DNAH14: variants seen among roughly 807,000 people sequenced by gnomAD.
DNAH14 encodes dynein axonemal heavy chain 14.
DNAH14 carries 478 observed loss-of-function variants against 520.9 expected under a neutral mutation model. The ratio of observed to expected loss-of-function variants is 0.92; its 90% CI spans 0.85 to 0.99. The LOEUF (loss-of-function observed/expected upper bound fraction) is 0.99, where lower values mean the gene tolerates loss of function less well. Among genes scored for constraint, DNAH14 ranks in the 50% least tolerant of loss-of-function variants. The pLI is 0.00. For synonymous variants in DNAH14, 1,581 were observed against 1,757.2 expected (o/e 0.90, Z 2.51); for missense variants, 4,831 against 5,234.5 (o/e 0.92, Z 2.38).
chr1:225,144,622 A>G lies in DNAH14; in HGVS notation c.4734A>G (p.Leu1578=). 1 of 1,548,970 alleles carries G rather than the reference A, an allele frequency of 6.5e-7. No individual in the cohort carries two copies. Among genetic ancestry groups the G allele is most frequent in the Non-Finnish European group, 8.7e-7 (1 of 1,145,256 alleles). ...GAAAAACTGAGACTGTCAAAGATCT[A>G]GCAAAAGTAAGTGGTTTCTGTATCC... ...GTGKTETVKD[L]AKSLGKHCVV... Residue 1578 remains leucine (L), a synonymous_variant, in exon 29 of 86, where the codon CTA becomes CTG. Coordinates refer to ENST00000682510, the MANE Select transcript of DNAH14 (RefSeq NM_001367479.1).
intron 11 of DNAH14, among the ~76,000 whole-genome samples, chr1:225,033,622 T>C (rs2449307): frequency 0.8 from 121,026 of 151,992 alleles, 51,606 homozygotes; most frequent in Non-Finnish European, 0.96. Context: ...AAGAATGTCA[T>C]TGATAGTTTG....
intron 8 of DNAH14, among the ~76,000 whole-genome samples, chr1:224,981,113 TC>T (rs2062236997): frequency 6.6e-6 from 1 of 152,250 alleles, no homozygotes; most frequent in African/African-American, 2.4e-5. Flanking sequence ...TGTTAAACCA[TC>T]CCTGCATCCC....
At position 225,038,730 on chromosome 1, in the gene DNAH14, A is replaced by G; in HGVS notation, c.1395A>G (p.Thr465=). 2 of 1,534,900 alleles carry G rather than the reference A, an allele frequency of 1.3e-6. No individual in the cohort carries two copies. Among genetic ancestry groups the G allele is most frequent in the Non-Finnish European group, 1.8e-6 (2 of 1,142,024 alleles). Reference sequence around the variant, plus strand: ...ACAACTCTTTTCCTACTGGAAAGACAACAAATGATTGTGAAGAACTTGTTG... The same window carrying G: ...ACAACTCTTTTCCTACTGGAAAGACGACAAATGATTGTGAAGAACTTGTTG... ...FKDNSFPTGK[T]TNDCEELVDN... is the part of the protein sequence containing the mutation. Residue 465 remains threonine, a synonymous_variant, in exon 12 of 86, where the codon ACA becomes ACG. Transcript: ENST00000682510.
intron 27 of DNAH14, among the ~76,000 whole-genome samples, chr1:225,127,766 T>G (rs941321480): frequency 1.3e-5 from 2 of 152,118 alleles, no homozygotes; most frequent in Non-Finnish European, 2.9e-5. Context: ...GTTAGCTGGT[T>G]ATTTTGCTCA....
At chr1:224,938,753 A>G (rs1404463611) in intron 1 of DNAH14, among the ~76,000 whole-genome samples, 1 of 152,274 alleles carries the variant, frequency 6.6e-6, no homozygotes, top group African/African-American at 2.4e-5. Context: ...ATGTTATTGC[A>G]GCACTATTCA....
intron 27 of DNAH14, among the ~76,000 whole-genome samples, chr1:225,138,989 A>G (rs996295869): frequency 1.3e-5 from 2 of 152,212 alleles, no homozygotes; most frequent in Non-Finnish European, 2.9e-5. Flanking sequence ...TTTTTAAAGC[A>G]TACTTGACTT....
At chr1:225,301,105 T>G in intron 56 of DNAH14, 75 bp downstream of exon 56, 1 of 1,411,498 alleles carries the variant, frequency 7.1e-7, no homozygotes. Context: ...GTACATGATT[T>G]TCAAGTTGGA....
intron 10 of DNAH14, among the ~76,000 whole-genome samples, chr1:225,011,238 T>G (rs2064710787): frequency 6.6e-6 from 1 of 152,322 alleles, no homozygotes; most frequent in East Asian, 1.9e-4. Flanking sequence ...GGGCATTTAT[T>G]GCTATAAACT....
intron 17 of DNAH14, among the ~76,000 whole-genome samples, chr1:225,073,943 A>G (rs1450246474): frequency 6.7e-6 from 1 of 149,754 alleles, no homozygotes. Flanking sequence ...GGCCTCCCAA[A>G]GTACTGGGAT....
intron 27 of DNAH14, among the ~76,000 whole-genome samples, chr1:225,128,936 A>G (rs1435988266): frequency 1.3e-5 from 2 of 151,652 alleles, no homozygotes; most frequent in African/African-American, 2.4e-5. Flanking sequence ...TCAGCCCAAA[A>G]TCTCCTTAAG....
chr1:225,023,953 G>C, intron 11 of DNAH14, 88 bp downstream of exon 11: 1 of 1,437,976 alleles, frequency 7.0e-7, no homozygotes, highest in Non-Finnish European at 9.1e-7. Flanking sequence ...AATAATTTAA[G>C]CTAGAGTTTG....
chr1:225,318,441 A>G, intron 60 of DNAH14, 142 bp from the exon 61 acceptor site: 1 of 693,716 alleles, frequency 1.4e-6, no homozygotes, highest in Non-Finnish European at 2.3e-6. Context: ...GCATGTGTGC[A>G]CATATCTAAG....
intron 65 of DNAH14, among the ~76,000 whole-genome samples, chr1:225,332,876 T>G (rs2094831536): frequency 6.7e-6 from 1 of 150,008 alleles, no homozygotes; most frequent in South Asian, 2.1e-4. Context: ...GGCACATGCC[T>G]GTCATTGTAA....
chr1:225,090,846 C>T (rs1277253997), intron 21 of DNAH14, among the ~76,000 whole-genome samples: 1 of 152,096 alleles, frequency 6.6e-6, no homozygotes, highest in African/African-American at 2.4e-5. Context: ...ACCAAAAGCA[C>T]TATCCATAGA....
intron 75 of DNAH14, 84 bp downstream of exon 75, chr1:225,360,975 G>T (rs2095486135): frequency 1.6e-6 from 2 of 1,248,128 alleles, no homozygotes; most frequent in South Asian, 2.9e-5. Context: ...TGTATACTGT[G>T]TGTAAACAAT....
intron 41 of DNAH14, among the ~76,000 whole-genome samples, chr1:225,210,714 C>G (rs1002922920): frequency 2.6e-5 from 4 of 152,178 alleles, no homozygotes; most frequent in African/African-American, 9.7e-5. Context: ...TGGGATAAAC[C>G]TCCCAGCAGG....
intron 37 of DNAH14, among the ~76,000 whole-genome samples, chr1:225,188,571 C>T (rs371684363): frequency 1.1e-4 from 17 of 151,844 alleles, no homozygotes; most frequent in African/African-American, 4.1e-4. Flanking sequence ...TGGAATGTAT[C>T]CCCTGGGGAT....
At chr1:224,940,684 A>G (rs1251397832) in intron 1 of DNAH14, among the ~76,000 whole-genome samples, 1 of 99,698 alleles carries the variant, frequency 1.0e-5, no homozygotes, top group Non-Finnish European at 2.2e-5. Flanking sequence ...CCCCCACCCC[A>G]CAACAGGCCC....
At chr1:224,985,559 C>T (rs997564895) in intron 8 of DNAH14, among the ~76,000 whole-genome samples, 2 of 152,040 alleles carry the variant, frequency 1.3e-5, no homozygotes, top group African/African-American at 4.8e-5. Flanking sequence ...CACAGATCTC[C>T]ACTAAAGAAT....
Sources: gnomAD v4.1 joint callset for allele counts (sites outside exome capture counted in the v4.1 genomes callset) on GRCh38, gnomAD v4.1.1 for gene constraint, MANE v1.5 for transcripts, NCBI Gene and HGNC (gene_info 2026-07-23, HGNC 2026-07-21) for gene names.